SH3RF1: variants seen among roughly 807,000 people sequenced by gnomAD.
The protein encoded by SH3RF1 is SH3 domain containing ring finger 1, also known as E3 ubiquitin-protein ligase SH3RF1.
A neutral mutation model predicts 74.0 loss-of-function variants in SH3RF1; 32 were observed. The ratio of observed to expected loss-of-function variants is 0.43; its 90% CI spans 0.33 to 0.58. The LOEUF is 0.58. SH3RF1 is among the 20% of genes least tolerant of loss of function. The probability of loss-of-function intolerance (pLI) is 0.05; values close to 1 mark genes in which losing one functional copy is unlikely to be tolerated. For missense variants in SH3RF1, 954 were observed against 1,130.9 expected, an observed-to-expected ratio of 0.84 and a Z score of 2.24; for synonymous variants, 396 against 439.6, an observed-to-expected ratio of 0.90 and a Z score of 1.24.
Position 169,112,154 on chromosome 4 carries a change from T to C in SH3RF1, c.2139+4115A>G, listed in dbSNP as rs117715120. The stretch of plus-strand genomic sequence containing the variant: ...CTGGTAGGTTTAAGTAAATGGATGA[T>C]GATGCTCACAAAATGACGAGGAAAG... On this transcript the variant is annotated intron_variant, in intron 10 of 11. Transcript: ENST00000284637. 1.0e-3 allele frequency among the ~76,000 whole-genome samples: 156 copies of C among 152,304 alleles called. 2 individuals carry two copies. In the East Asian group the frequency reaches 0.028, roughly 27 times the overall value.
chr4:169,230,107 G>A (rs1429082577), intron 2 of SH3RF1, among the ~76,000 whole-genome samples: 8 of 152,186 alleles, frequency 5.3e-5, no homozygotes, highest in Non-Finnish European at 7.3e-5. Context: ...TCGGGAGGCC[G>A]AGGCAGGAGA....
rs546373983 is a variant in SH3RF1 at position 169,116,096 on chromosome 4, C to A, written c.2139+173G>T. Among the ~76,000 whole-genome samples the A allele has an allele frequency of 3.9e-5, 6 of 152,208 alleles. No homozygotes were observed. In the East Asian group the frequency reaches 1.2e-3, roughly 29 times the overall value. ...AGATAAGAGGATGGGGTGGTGCCTGCGTTTCTTCCCCACTCTACTCCTAGC... is the reference window on the plus strand; with the variant it reads ...AGATAAGAGGATGGGGTGGTGCCTGAGTTTCTTCCCCACTCTACTCCTAGC... On this transcript the variant is annotated intron_variant, in intron 10 of 11. Coordinates refer to ENST00000284637, the MANE Select transcript of SH3RF1 (RefSeq NM_020870.4).
Position 169,124,437 on chromosome 4 carries a change from A to G in SH3RF1, c.1180-2171T>C, listed in dbSNP as rs1371346721. Reference sequence around the variant, plus strand: ...ACACTAAGTTAAATGTTTCATGTACATTACTTTTGCAAACAGTGAGAGTTA... The same window carrying G: ...ACACTAAGTTAAATGTTTCATGTACGTTACTTTTGCAAACAGTGAGAGTTA... On this transcript the variant is annotated intron_variant, in intron 6 of 11. Transcript: ENST00000284637. Among the ~76,000 whole-genome samples the G allele has an allele frequency of 2.0e-5, 3 of 152,244 alleles. No individual in the cohort carries two copies. The East Asian group carries it at 5.8e-4, about 29-fold the overall frequency.
chr4:169,250,406 G>C (rs1283816483), intron 2 of SH3RF1, among the ~76,000 whole-genome samples: 2 of 151,728 alleles, frequency 1.3e-5, no homozygotes, highest in Non-Finnish European at 2.9e-5. Flanking sequence ...TGCCAAATAA[G>C]CATATATGAC....
At chr4:169,246,684 A>G (rs1312786701) in intron 2 of SH3RF1, among the ~76,000 whole-genome samples, 1 of 152,252 alleles carries the variant, frequency 6.6e-6, no homozygotes. Context: ...TTTGTTCCCC[A>G]CTTCCTACAA....
At chr4:169,147,792 T>G (rs527532848) in intron 4 of SH3RF1, among the ~76,000 whole-genome samples, 1 of 152,312 alleles carries the variant, frequency 6.6e-6, no homozygotes, top group Non-Finnish European at 1.5e-5. Flanking sequence ...ATGCCACACA[T>G]GCACACACAT....
At chr4:169,117,005 A>G (rs1733345935) in intron 9 of SH3RF1, among the ~76,000 whole-genome samples, 2 of 152,068 alleles carry the variant, frequency 1.3e-5, no homozygotes, top group Non-Finnish European at 2.9e-5. Flanking sequence ...TTTCTTATGA[A>G]TCATTTTCCT....
chr4:169,256,619 C>T (rs1365219108), intron 2 of SH3RF1, among the ~76,000 whole-genome samples: 1 of 152,070 alleles, frequency 6.6e-6, no homozygotes, highest in East Asian at 1.9e-4. Flanking sequence ...CTTTTAGAGA[C>T]AAGGTCTCAT....
intron 4 of SH3RF1, among the ~76,000 whole-genome samples, chr4:169,153,982 C>A (rs758190331): frequency 3.3e-5 from 5 of 152,108 alleles, no homozygotes; most frequent in Non-Finnish European, 2.9e-5. Flanking sequence ...ATAGTAAACC[C>A]TTTTCATGCA....
chr4:169,144,864 G>A (rs1244508852), intron 4 of SH3RF1, among the ~76,000 whole-genome samples: 1 of 151,970 alleles, frequency 6.6e-6, no homozygotes. Flanking sequence ...CATGGGGATC[G>A]TACTAGTTGG....
At chr4:169,172,293 C>T (rs1335315639) in intron 2 of SH3RF1, among the ~76,000 whole-genome samples, 4 of 152,214 alleles carry the variant, frequency 2.6e-5, no homozygotes, top group Non-Finnish European at 4.4e-5. Context: ...ACCATGTGTC[C>T]AGTTACAGAA....
intron 2 of SH3RF1, 118 bp downstream of exon 2, chr4:169,268,702 C>T: frequency 9.2e-7 from 1 of 1,087,742 alleles, no homozygotes; most frequent in South Asian, 1.7e-5. Flanking sequence ...TCTATCTGTT[C>T]CAGTATGTAT....
At chr4:169,173,623 C>G (rs1429074888) in intron 2 of SH3RF1, among the ~76,000 whole-genome samples, 2 of 152,098 alleles carry the variant, frequency 1.3e-5, no homozygotes, top group African/African-American at 4.8e-5. Context: ...ATCCTGGGGT[C>G]TGGAGGGTTA....
rs905049450 is a variant in SH3RF1, at chr4:169,196,150, A to C, written c.394-39471T>G. On this transcript the variant is annotated intron_variant, in intron 2 of 11. Transcript: ENST00000284637. ...TTATAAAGTCTATTTCTATAATGCC[A>C]ATCTATGAAGCTTTAATGTATTTTT... Among the ~76,000 whole-genome samples the C allele has an allele frequency of 2.0e-5, 3 of 152,132 alleles. 1 individual carries two copies.
chr4:169,098,943 G>T (rs1732972973), intron 11 of SH3RF1, among the ~76,000 whole-genome samples: 1 of 152,172 alleles, frequency 6.6e-6, no homozygotes, highest in Admixed American at 6.5e-5. Context: ...AGTAGGCAGA[G>T]GCCTGGCACT....
At chr4:169,233,260 A>C (rs1269783398) in intron 2 of SH3RF1, among the ~76,000 whole-genome samples, 4 of 151,488 alleles carry the variant, frequency 2.6e-5, no homozygotes, top group African/African-American at 4.8e-5. Flanking sequence ...AAAAAAAAAA[A>C]AAAAAAAAAA....
At chr4:169,213,091 G>A (rs1197093171) in intron 2 of SH3RF1, among the ~76,000 whole-genome samples, 2 of 152,128 alleles carry the variant, frequency 1.3e-5, no homozygotes, top group Non-Finnish European at 2.9e-5. Context: ...AGTATGTTTC[G>A]TTTTGTAAGA....
intron 2 of SH3RF1, chr4:169,220,421 G>A (rs1003722542): frequency 2.0e-5 from 3 of 152,240 alleles, no homozygotes; most frequent in African/African-American, 7.2e-5. Flanking sequence ...AGAACCGAAT[G>A]AACTTCTGTT....
Position 169,156,402 on chromosome 4 carries a change from A to C in SH3RF1, c.669+2T>G. On this transcript the variant is annotated splice_donor_variant, in intron 3 of 11. Coordinates refer to ENST00000284637, the MANE Select transcript of SH3RF1 (RefSeq NM_020870.4). LOFTEE classifies it high-confidence loss of function. ...CAGAAAACAAGCACATTCTACCTTT[A>C]CCTTTGCAAATGGAAGGCAATCTTT... The C allele has an allele frequency of 2.5e-6, 4 of 1,582,342 alleles. No individual in the cohort carries two copies. Among genetic ancestry groups the C allele is most frequent in the Non-Finnish European group, 3.4e-6 (4 of 1,160,796 alleles).
Sources: allele counts gnomAD v4.1 joint callset (sites outside exome capture counted in the v4.1 genomes callset), GRCh38; gene constraint gnomAD v4.1.1; transcripts MANE v1.5; gene names NCBI Gene and HGNC (gene_info 2026-07-23, HGNC 2026-07-21).